Variants in SNX18 observed in about 807,000 individuals in gnomAD.
SNX18 encodes the protein sorting nexin 18.
SNX18 carries 35 observed loss-of-function variants against 48.7 expected under a neutral mutation model. That is an observed-to-expected ratio of 0.72 (90% CI 0.55 to 0.95). SNX18 has a LOEUF of 0.95. Among genes scored for constraint, SNX18 ranks in the 40% least tolerant of loss-of-function variants. SNX18 has a pLI of 0.00. For synonymous variants in SNX18, 492 were observed against 384.7 expected (o/e 1.28, Z -3.26); for missense variants, 824 against 871.0 (o/e 0.95, Z 0.68).
chr5:54,642,934 G>T, the SNX18 span, among the ~76,000 whole-genome samples: 362 of 152,312 alleles, frequency 2.4e-3, 5 homozygotes, highest in African/African-American at 8.4e-3. Flanking sequence ...GAACAAACAT[G>T]CATGTAACAC....
chr5:54,608,629 A>T, the SNX18 span, among the ~76,000 whole-genome samples: 1 of 152,208 alleles, frequency 6.6e-6, no homozygotes, highest in South Asian at 2.1e-4. Flanking sequence ...AAATAGTGTT[A>T]TGAAATCAGT....
the SNX18 span, among the ~76,000 whole-genome samples, chr5:54,637,136 G>A: frequency 0.36 from 55,288 of 151,852 alleles, 10,758 homozygotes; most frequent in African/African-American, 0.5. Context: ...TATTTGTTCA[G>A]TCTTGAAAAG....
the SNX18 span, among the ~76,000 whole-genome samples, chr5:54,562,559 C>A: frequency 1.3e-5 from 2 of 152,148 alleles, no homozygotes; most frequent in Non-Finnish European, 2.9e-5. Flanking sequence ...CATGGTAATG[C>A]AGCACAACGC....
rs193248839 is a variant in SNX18 at position 54,544,880 on chromosome 5, A to G, written c.*1448A>G. On this transcript the variant is annotated 3_prime_UTR_variant, in exon 2 of 2. Transcript: ENST00000381410. Reference sequence around the variant, plus strand: ...CACTGTTAGAGTATCTACTGTTTTTATGAAGTCAAACTTATGCTGCCTCAG... The same window carrying G: ...CACTGTTAGAGTATCTACTGTTTTTGTGAAGTCAAACTTATGCTGCCTCAG... 6.6e-6 allele frequency: 1 copy of G among 152,248 alleles called. No individual in the cohort carries two copies. The highest frequency in any genetic ancestry group is 1.5e-5 in the Non-Finnish European group (1 of 68,004). The allele number at this position is 152,248 out of a possible 1,614,324, so 9.4% of individuals were successfully genotyped here.
chr5:54,576,777 G>C, the SNX18 span, among the ~76,000 whole-genome samples: 1 of 110,432 alleles, frequency 9.1e-6, no homozygotes, highest in East Asian at 2.5e-4. Flanking sequence ...AGCTGTGTTT[G>C]TTTGTTTGTT....
At chr5:54,550,428 T>TATCCAAAGGATGAAA (rs779698511), downstream of SNX18, among the ~76,000 whole-genome samples, 569 of 152,216 alleles carry the variant, frequency 3.7e-3, 5 homozygotes, top group Non-Finnish European at 4.2e-3. Context: ...AAACTGTAGG[T>TATCCAAAGGATGAAA]ATCTATCATT....
In SNX18 at chr5:54,518,464, T is replaced by G. The variant is rs780211987; in HGVS notation, c.512T>G (p.Leu171Arg). ...SSTVADEPGA[L>R]GSGAYPDLDG... is the part of the protein sequence containing the mutation. Reference sequence around the variant, plus strand: ...ACGGTGGCGGACGAGCCGGGCGCTCTGGGCAGCGGAGCATACCCGGACCTC... The same window carrying G: ...ACGGTGGCGGACGAGCCGGGCGCTCGGGGCAGCGGAGCATACCCGGACCTC... Residue 171 changes from leucine to arginine, a missense_variant, in exon 1 of 2, where the codon CTG becomes CGG. Physicochemically the swap from Leu to Arg is moderately radical, Grantham distance 102 (BLOSUM62 -2). Coordinates refer to ENST00000381410, the MANE Select transcript of SNX18 (RefSeq NM_001102575.2). 6.4e-7 allele frequency: 1 copy of G among 1,571,178 alleles called. No individual in the cohort carries two copies. The highest frequency in any genetic ancestry group is 1.4e-5 in the African/African-American group (1 of 73,646).
the SNX18 span, among the ~76,000 whole-genome samples, chr5:54,597,495 G>A: frequency 2.4e-4 from 37 of 152,086 alleles, no homozygotes; most frequent in African/African-American, 8.9e-4. Context: ...ATAATTAGAA[G>A]TAAATCACTC....
chr5:54,547,508 T>C (rs536259679), downstream of SNX18, among the ~76,000 whole-genome samples: 32 of 152,206 alleles, frequency 2.1e-4, no homozygotes, highest in Non-Finnish European at 4.0e-4. Context: ...CCTGGAATGA[T>C]AGAGATTCCA....
the SNX18 span, among the ~76,000 whole-genome samples, chr5:54,601,102 GTCCA>G: frequency 1.1e-4 from 16 of 151,330 alleles, no homozygotes; most frequent in Middle Eastern, 3.4e-3. Context: ...CTGTCCATCT[GTCCA>G]TCCATCCATC....
At chr5:54,585,869 G>A in the SNX18 span, among the ~76,000 whole-genome samples, 1 of 152,120 alleles carries the variant, frequency 6.6e-6, no homozygotes, top group East Asian at 1.9e-4. Context: ...GCTGTACATG[G>A]TGGCGGGTGC....
chr5:54,583,323 T>C, the SNX18 span, among the ~76,000 whole-genome samples: 1 of 152,196 alleles, frequency 6.6e-6, no homozygotes, highest in Non-Finnish European at 1.5e-5. Context: ...TCTGAGAACA[T>C]AGTATTTGAC....
chr5:54,581,124 A>T, the SNX18 span, among the ~76,000 whole-genome samples: 21 of 152,168 alleles, frequency 1.4e-4, no homozygotes, highest in African/African-American at 5.1e-4. Flanking sequence ...ATGAGATTGG[A>T]GAGGTCCACT....
At chr5:54,583,257 G>A in the SNX18 span, among the ~76,000 whole-genome samples, 2 of 152,326 alleles carry the variant, frequency 1.3e-5, no homozygotes, top group South Asian at 4.1e-4. Flanking sequence ...GATTACAGGT[G>A]TGAGCCACTG....
Position 54,543,073 on chromosome 5 carries a change from G to A in SNX18, c.1622-106G>A, listed in dbSNP as rs979079428. The A allele has an allele frequency of 2.4e-5, 26 of 1,101,300 alleles. No homozygotes were observed. The Admixed American group carries it at 6.1e-4, about 26-fold the overall frequency. The allele number at this position is 1,101,300 out of a possible 1,614,324, so 68.2% of individuals were successfully genotyped here. A position where few individuals can be genotyped will look rare whatever the true frequency, so the allele number is the denominator to read the frequency against. ...TTAAATTTCAAAGGTATTGAAAATA[G>A]TTTGGGCAACTATTTATAATGCCCA... On this transcript the variant is annotated intron_variant, in intron 1 of 1. Transcript: ENST00000381410.
At chr5:54,637,852 G>C in the SNX18 span, among the ~76,000 whole-genome samples, 1 of 152,204 alleles carries the variant, frequency 6.6e-6, no homozygotes, top group Non-Finnish European at 1.5e-5. Context: ...CTTTCCAGAA[G>C]AGCAAACCTA....
chr5:54,592,092 C>T, the SNX18 span, among the ~76,000 whole-genome samples: 1 of 152,176 alleles, frequency 6.6e-6, no homozygotes, highest in Non-Finnish European at 1.5e-5. Context: ...CAACATATCA[C>T]TTTCAAAATT....
At chr5:54,561,200 G>A in the SNX18 span, among the ~76,000 whole-genome samples, 2 of 151,668 alleles carry the variant, frequency 1.3e-5, no homozygotes, top group African/African-American at 2.4e-5. Flanking sequence ...GCACCACCAC[G>A]CCTGGCTAAT....
the SNX18 span, among the ~76,000 whole-genome samples, chr5:54,627,664 G>A: frequency 6.6e-6 from 1 of 152,056 alleles, no homozygotes; most frequent in South Asian, 2.1e-4. Flanking sequence ...CAAGCAGGAG[G>A]GAGCACGTGG....
Sources: gnomAD v4.1 joint callset for allele counts (sites outside exome capture counted in the v4.1 genomes callset) on GRCh38, gnomAD v4.1.1 for gene constraint, MANE v1.5 for transcripts, NCBI Gene and HGNC (gene_info 2026-07-23, HGNC 2026-07-21) for gene names.